NKAIN3: variants seen among roughly 807,000 people sequenced by gnomAD.
NKAIN3 encodes the protein sodium/potassium transporting ATPase interacting 3, also known as sodium/potassium-transporting ATPase subunit beta-1-interacting protein 3.
A neutral mutation model predicts 30.2 loss-of-function variants in NKAIN3; 25 were observed. The observed-to-expected ratio is 0.83, with a 90% CI of 0.60 to 1.16. NKAIN3 has a LOEUF of 1.16. Among genes scored for constraint, NKAIN3 ranks in the 50% most tolerant of loss-of-function variants. The pLI, the probability that NKAIN3 is intolerant of heterozygous loss-of-function variation, is 0.00. For synonymous variants in NKAIN3, 91 were observed against 89.6 expected, an observed-to-expected ratio of 1.02 and a Z score of -0.09; for missense variants, 225 against 254.1, an observed-to-expected ratio of 0.89 and a Z score of 0.78.
chr8:62,939,618 C>T (rs546652041), intron 5 of NKAIN3, among the ~76,000 whole-genome samples: 20 of 152,100 alleles, frequency 1.3e-4, no homozygotes, highest in Non-Finnish European at 2.2e-4. Context: ...TTAAACAAAA[C>T]GATTATCAGC....
chr8:62,730,740 A>G (rs959046434), intron 3 of NKAIN3, among the ~76,000 whole-genome samples: 2 of 152,154 alleles, frequency 1.3e-5, no homozygotes, highest in African/African-American at 4.8e-5. Flanking sequence ...TACCTCATCA[A>G]CTCAGTTATC....
In NKAIN3 at chr8:62,402,060, C is replaced by G. The variant is rs557836468; in HGVS notation, c.54+152933C>G. ...CAGAGATGCTGTCTGGCAGCCAGTCCCTGGAGTCACAAACCTTAGGTATCA... is the reference window on the plus strand; with the variant it reads ...CAGAGATGCTGTCTGGCAGCCAGTCGCTGGAGTCACAAACCTTAGGTATCA... On this transcript the variant is annotated intron_variant, in intron 1 of 6. Coordinates refer to ENST00000623646, the MANE Select transcript of NKAIN3 (RefSeq NM_001304533.3). Among the ~76,000 whole-genome samples the G allele has an allele frequency of 5.8e-4, 88 of 152,278 alleles. 1 individual carries two copies. Among genetic ancestry groups the G allele is most frequent in the South Asian group, 3.7e-3 (18 of 4,824 alleles).
chr8:62,964,937 G>A (rs1366946834), intron 6 of NKAIN3, among the ~76,000 whole-genome samples: 3 of 152,162 alleles, frequency 2.0e-5, no homozygotes, highest in Non-Finnish European at 4.4e-5. Context: ...AGGAACATAA[G>A]TCAATGATTG....
intron 1 of NKAIN3, among the ~76,000 whole-genome samples, chr8:62,351,907 G>A (rs1354034448): frequency 6.6e-6 from 1 of 152,152 alleles, no homozygotes; most frequent in Non-Finnish European, 1.5e-5. Flanking sequence ...GGGCAACTGT[G>A]GAAGAAGAAG....
chr8:62,859,475 C>G (rs990496962), intron 4 of NKAIN3, among the ~76,000 whole-genome samples: 1 of 111,744 alleles, frequency 8.9e-6, no homozygotes, highest in Non-Finnish European at 1.8e-5. Context: ...TTCTTAGTAA[C>G]CCAGATAACT....
At chr8:62,794,153 G>A (rs1817783388) in intron 4 of NKAIN3, among the ~76,000 whole-genome samples, 1 of 152,114 alleles carries the variant, frequency 6.6e-6, no homozygotes, top group South Asian at 2.1e-4. Flanking sequence ...CCTTCTGTTT[G>A]CCACCATTAG....
intron 2 of NKAIN3, among the ~76,000 whole-genome samples, chr8:62,580,862 A>C (rs1246632185): frequency 6.6e-6 from 1 of 151,202 alleles, no homozygotes; most frequent in African/African-American, 2.4e-5. Flanking sequence ...AGGCTGAGGC[A>C]GGAGGATTGC....
intron 1 of NKAIN3, among the ~76,000 whole-genome samples, chr8:62,317,575 C>T (rs1171634549): frequency 6.6e-6 from 1 of 152,200 alleles, no homozygotes; most frequent in African/African-American, 2.4e-5. Flanking sequence ...TGTCAAAGAT[C>T]AGATGGCTGT....
intron 3 of NKAIN3, among the ~76,000 whole-genome samples, chr8:62,716,025 G>A (rs1036205657): frequency 2.0e-5 from 3 of 152,180 alleles, no homozygotes; most frequent in Admixed American, 2.0e-4. Flanking sequence ...TCCCTGCCAT[G>A]GAACTGCTAT....
intron 1 of NKAIN3, among the ~76,000 whole-genome samples, chr8:62,545,332 C>T (rs1808970407): frequency 6.6e-6 from 1 of 152,154 alleles, no homozygotes; most frequent in Non-Finnish European, 1.5e-5. Context: ...TGCCTGTAAT[C>T]CCAACACTTT....
intron 4 of NKAIN3, among the ~76,000 whole-genome samples, chr8:62,786,040 A>G (rs1817506251): frequency 6.6e-6 from 1 of 152,038 alleles, no homozygotes; most frequent in African/African-American, 2.4e-5. Context: ...TGGTTCTCCC[A>G]TCCCTACTTC....
In NKAIN3 at chr8:62,248,900, G is replaced by GACCTCGGC; in HGVS notation, c.-174_-173insACCTCGGC. ...CACCGCACTGACCTCGGCCCGCCCC[G>GACCTCGGC]CCGGGAAACTAACAAAGGCGGGCGC... On this transcript the variant is annotated 5_prime_UTR_variant, in exon 1 of 7. Coordinates refer to ENST00000623646, the MANE Select transcript of NKAIN3 (RefSeq NM_001304533.3). 8.8e-6 allele frequency: 5 copies of GACCTCGGC among 570,408 alleles called. No individual in the cohort carries two copies. The highest frequency in any genetic ancestry group is 1.5e-5 in the Non-Finnish European group (5 of 338,074). The allele number at this position is 570,408 out of a possible 1,614,324, so 35.3% of individuals were successfully genotyped here.
intron 1 of NKAIN3, among the ~76,000 whole-genome samples, chr8:62,305,605 T>G (rs138220098): frequency 1.3e-5 from 2 of 150,662 alleles, no homozygotes; most frequent in East Asian, 3.9e-4. Flanking sequence ...CTATACTCTT[T>G]CCCTGCATGT....
chr8:62,281,708 GT>G (rs1419341128), intron 1 of NKAIN3, among the ~76,000 whole-genome samples: 2 of 152,060 alleles, frequency 1.3e-5, no homozygotes, highest in African/African-American at 4.8e-5. Flanking sequence ...TTAATCCTGA[GT>G]TCTAGTTTAT....
At chr8:62,688,741 GAC>G (rs375008096) in intron 3 of NKAIN3, among the ~76,000 whole-genome samples, 1,303 of 116,050 alleles carry the variant, frequency 0.011, 10 homozygotes, top group Middle Eastern at 0.035. Flanking sequence ...CAGACAGACA[GAC>G]ACACACACAC....
At chr8:62,504,542 T>A (rs1807572122) in intron 1 of NKAIN3, among the ~76,000 whole-genome samples, 1 of 152,110 alleles carries the variant, frequency 6.6e-6, no homozygotes, top group Admixed American at 6.6e-5. Context: ...TTCCATAGAG[T>A]CCACCCTTAG....
chr8:62,830,667 G>T (rs538464420), intron 4 of NKAIN3, among the ~76,000 whole-genome samples: 1 of 152,188 alleles, frequency 6.6e-6, no homozygotes, highest in South Asian at 2.1e-4. Flanking sequence ...CACTTGGACA[G>T]CTCAATCAGC....
intron 5 of NKAIN3, among the ~76,000 whole-genome samples, chr8:62,946,363 G>A (rs1585608882): frequency 6.6e-6 from 1 of 152,334 alleles, no homozygotes; most frequent in Non-Finnish European, 1.5e-5. Flanking sequence ...ACTGTGGCCT[G>A]TGTTTTGGCA....
At chr8:62,323,161 A>C (rs908458915) in intron 1 of NKAIN3, among the ~76,000 whole-genome samples, 1 of 152,220 alleles carries the variant, frequency 6.6e-6, no homozygotes, top group African/African-American at 2.4e-5. Flanking sequence ...CTTATGACTC[A>C]GCAATTACAT....
Sources: gnomAD v4.1 joint callset for allele counts (sites outside exome capture counted in the v4.1 genomes callset) on GRCh38, gnomAD v4.1.1 for gene constraint, MANE v1.5 for transcripts, NCBI Gene and HGNC (gene_info 2026-07-23, HGNC 2026-07-21) for gene names.